The following MAPRE3 variants were observed in gnomAD, a reference collection of about 807,000 sequenced individuals.
MAPRE3 encodes the protein microtubule associated protein RP/EB family member 3, also known as microtubule-associated protein RP/EB family member 3.
A neutral mutation model predicts 30.5 loss-of-function variants in MAPRE3; 2 were observed. That is an observed-to-expected ratio of 0.07 (90% confidence interval 0.03 to 0.21). The LOEUF is 0.21. Ranked by LOEUF, MAPRE3 falls within the 10% of genes least tolerant of loss-of-function variation. The pLI is 1.00. For missense variants in MAPRE3, 204 were observed against 351.8 expected, an observed-to-expected ratio of 0.58 and a Z score of 3.36; for synonymous variants, 110 against 127.7, an observed-to-expected ratio of 0.86 and a Z score of 0.93.
At chr2:26,981,675 T>C (rs1666116370) in intron 1 of MAPRE3, among the ~76,000 whole-genome samples, 1 of 152,144 alleles carries the variant, frequency 6.6e-6, no homozygotes, top group Non-Finnish European at 1.5e-5. Flanking sequence ...GAAATGAAGA[T>C]GGAGCTGGAT....
At chr2:26,983,327 C>A (rs1041538138) in intron 1 of MAPRE3, among the ~76,000 whole-genome samples, 4 of 152,192 alleles carry the variant, frequency 2.6e-5, no homozygotes, top group Non-Finnish European at 4.4e-5. Flanking sequence ...CCATGCAGCA[C>A]CCCCAACCCT....
At chr2:27,006,321 A>C (rs1234324120) in intron 1 of MAPRE3, among the ~76,000 whole-genome samples, 2 of 152,244 alleles carry the variant, frequency 1.3e-5, no homozygotes, top group Non-Finnish European at 2.9e-5. Context: ...GATAATTCCC[A>C]TTATTGGGGA....
intron 1 of MAPRE3, chr2:27,014,482 G>C (rs928673354): frequency 7.2e-5 from 11 of 152,234 alleles, no homozygotes; most frequent in Non-Finnish European, 1.5e-4. Flanking sequence ...CAAAATCCTG[G>C]AGGAGTTTCA....
At chr2:27,013,554 C>A (rs1666910827) in intron 1 of MAPRE3, 1 of 152,138 alleles carries the variant, frequency 6.6e-6, no homozygotes, top group Non-Finnish European at 1.5e-5. Flanking sequence ...CCTAGTTTAA[C>A]CTCTCCCATT....
intron 1 of MAPRE3, among the ~76,000 whole-genome samples, chr2:27,010,995 T>C (rs1337988741): frequency 6.6e-6 from 1 of 152,176 alleles, no homozygotes; most frequent in Non-Finnish European, 1.5e-5. Flanking sequence ...CACAATTTAA[T>C]GACCATATCG....
intron 1 of MAPRE3, among the ~76,000 whole-genome samples, chr2:27,008,167 TCAAA>T (rs1488654586): frequency 1.3e-5 from 2 of 152,246 alleles, no homozygotes; most frequent in Non-Finnish European, 2.9e-5. Context: ...AAAGTGCCTC[TCAAA>T]CAATTTTGTT....
At position 27,024,264 on chromosome 2, in the gene MAPRE3, T is replaced by C; in HGVS notation, c.436T>C (p.Phe146Leu). The C allele has an allele frequency of 6.2e-7, 1 of 1,614,138 alleles. No homozygotes were observed. The highest frequency in any genetic ancestry group is 8.5e-7 in the Non-Finnish European group (1 of 1,179,974). The change falls in exon 4 of 7, where the codon TTC becomes CTC. Residue 146 changes from phenylalanine (F) to leucine (L), a missense_variant. Around this residue, in one of 5 missense-constraint regions of MAPRE3, gnomAD observed 101 missense variants for 205.4 expected, o/e 0.49. Coordinates refer to ENST00000233121, the MANE Select transcript of MAPRE3 (RefSeq NM_012326.4). ...ACCTCCTAACCCAGGTGATCAGATC[T>C]TCAACAAATCCAAGAAACTCATTGG... is the stretch of plus-strand genomic sequence containing the variant. ...APPPNPGDQI[F>L]NKSKKLIGTA...
chr2:26,979,699 G>C (rs1001296349), intron 1 of MAPRE3, among the ~76,000 whole-genome samples: 2 of 152,238 alleles, frequency 1.3e-5, no homozygotes, highest in Non-Finnish European at 2.9e-5. Context: ...GCAAGGTACA[G>C]CATCAGCAAA....
chr2:26,987,426 C>T (rs1405814455), intron 1 of MAPRE3, among the ~76,000 whole-genome samples: 1 of 152,054 alleles, frequency 6.6e-6, no homozygotes, highest in East Asian at 1.9e-4. Flanking sequence ...CACCTGAGGT[C>T]AGGAGTTCAA....
At chr2:26,993,040 A>G (rs1666379453) in intron 1 of MAPRE3, among the ~76,000 whole-genome samples, 1 of 152,160 alleles carries the variant, frequency 6.6e-6, no homozygotes, top group African/African-American at 2.4e-5. Context: ...AATACCATGC[A>G]TGTTTTAACT....
intron 1 of MAPRE3, among the ~76,000 whole-genome samples, chr2:26,993,612 G>A (rs1277473153): frequency 1.3e-5 from 2 of 152,132 alleles, no homozygotes; most frequent in South Asian, 4.1e-4. Flanking sequence ...TGGGGAGGTC[G>A]GGAGGATGTG....
chr2:27,026,149 C>A, intron 6 of MAPRE3, 117 bp downstream of exon 6: 1 of 1,435,448 alleles, frequency 7.0e-7, no homozygotes, highest in Non-Finnish European at 9.6e-7. Context: ...GAGGTGAAGT[C>A]ACTAGCCCAG....
chr2:26,993,094 G>T lies in MAPRE3; in HGVS notation c.-8+22292G>T, dbSNP rs184701162. On this transcript the variant is annotated intron_variant, in intron 1 of 6. Coordinates refer to ENST00000233121, the MANE Select transcript of MAPRE3 (RefSeq NM_012326.4). Reference sequence around the variant, plus strand: ...AAAATATTAGGACGTTATTAGCCAGGCGCAGTGGCTCACCCCTGTAATCCC... The same window carrying T: ...AAAATATTAGGACGTTATTAGCCAGTCGCAGTGGCTCACCCCTGTAATCCC... Among the ~76,000 whole-genome samples the T allele has an allele frequency of 1.1e-4, 16 of 152,302 alleles. No individual in the cohort carries two copies. In the East Asian group the frequency reaches 3.1e-3, roughly 29 times the overall value.
Position 27,017,898 on chromosome 2 carries a change from G to T in MAPRE3, c.-7-4314G>T, listed in dbSNP as rs371516410. On this transcript the variant is annotated intron_variant, in intron 1 of 6. Transcript: ENST00000233121. ...CACTTGGGCTGCACTGTAGCCTCTT[G>T]AAGTCTCTGCAGGAGAAGCCAGTGG... 6.2e-4 allele frequency among the ~76,000 whole-genome samples: 95 copies of T among 152,170 alleles called. 1 individual carries two copies. Among genetic ancestry groups the T allele is most frequent in the African/African-American group, 2.1e-3 (89 of 41,498 alleles).
At chr2:27,002,518 A>G (rs1666622027) in intron 1 of MAPRE3, among the ~76,000 whole-genome samples, 1 of 151,898 alleles carries the variant, frequency 6.6e-6, no homozygotes, top group South Asian at 2.1e-4. Context: ...TACCCTCAAA[A>G]CCAGGTTTTT....
intron 1 of MAPRE3, among the ~76,000 whole-genome samples, chr2:27,018,090 C>T (rs1019013123): frequency 3.3e-5 from 5 of 152,196 alleles, no homozygotes; most frequent in African/African-American, 9.7e-5. Context: ...ATTGCCTTTC[C>T]TTTTCTTCAG....
rs370905544 is a variant in MAPRE3 at position 26,978,841 on chromosome 2, G to A, written c.-8+8039G>A. On this transcript the variant is annotated intron_variant, in intron 1 of 6. Transcript: ENST00000233121. Reference sequence around the variant, plus strand: ...AGACTCAACCCTTGTCCATGAGGAGGCTGTAATGTGTGTGGAAGACAAGAT... The same window carrying A: ...AGACTCAACCCTTGTCCATGAGGAGACTGTAATGTGTGTGGAAGACAAGAT... Among the ~76,000 whole-genome samples, 28 of 152,352 alleles carry A rather than the reference G, an allele frequency of 1.8e-4. 1 individual carries two copies. The South Asian group carries it at 5.0e-3, about 27-fold the overall frequency.
chr2:26,981,181 T>C (rs1666106522), intron 1 of MAPRE3, among the ~76,000 whole-genome samples: 1 of 152,116 alleles, frequency 6.6e-6, no homozygotes, highest in Non-Finnish European at 1.5e-5. Flanking sequence ...GAATGCTGCA[T>C]TGGACCTATG....
rs140866135 is a variant in MAPRE3, at chr2:27,015,181, T to C, written c.-7-7031T>C. On this transcript the variant is annotated intron_variant, in intron 1 of 6. Coordinates refer to ENST00000233121, the MANE Select transcript of MAPRE3 (RefSeq NM_012326.4). The surrounding 1 kb of genome is among the most constrained non-coding windows in gnomAD (Gnocchi z 4.0). The stretch of plus-strand genomic sequence containing the variant: ...GGCTGGCTGTGTGTCAGGCACCTAC[T>C]CCTCGAACAAATGCCCTTAGATTCT... Among the ~76,000 whole-genome samples, 1,264 of 152,324 alleles carry C rather than the reference T, an allele frequency of 8.3e-3. 19 individuals carry two copies. Among genetic ancestry groups the C allele is most frequent in the African/African-American group, 0.03 (1,231 of 41,554 alleles).
Sources: allele counts gnomAD v4.1 joint callset (sites outside exome capture counted in the v4.1 genomes callset), GRCh38; gene constraint gnomAD v4.1.1; regional missense constraint gnomAD v4.1.1; non-coding constraint Gnocchi (gnomAD v3.1); transcripts MANE v1.5; gene names NCBI Gene and HGNC (gene_info 2026-07-23, HGNC 2026-07-21).